The following EIF4G3 variants were observed in gnomAD, a reference collection of about 807,000 sequenced individuals.
EIF4G3 encodes the protein eukaryotic translation initiation factor 4 gamma 3, also known as eIF-4-gamma 3.
EIF4G3 carries 34 observed loss-of-function variants against 186.4 expected under a neutral mutation model. That is an observed-to-expected ratio of 0.18 (90% CI 0.14 to 0.24). The LOEUF is 0.24. Ranked by LOEUF, EIF4G3 falls within the 10% of genes least tolerant of loss-of-function variation. EIF4G3 has a pLI of 1.00. For missense variants in EIF4G3, 1,536 were observed against 1,948.5 expected (o/e 0.79, Z 3.99); for synonymous variants, 673 against 679.5 (o/e 0.99, Z 0.15).
intron 23 of EIF4G3, among the ~76,000 whole-genome samples, 170 bp downstream of exon 23, chr1:20,862,055 GGCC>G (rs2076484609): frequency 6.6e-6 from 1 of 152,064 alleles, no homozygotes; most frequent in Non-Finnish European, 1.5e-5. Flanking sequence ...ACTGGCAATA[GGCC>G]TTTTGTCCCT....
chr1:21,019,545 T>C (rs2090138512), intron 4 of EIF4G3, among the ~76,000 whole-genome samples: 1 of 152,222 alleles, frequency 6.6e-6, no homozygotes, highest in Non-Finnish European at 1.5e-5. Context: ...TAAAAATTTT[T>C]ATCTTTTATT....
At chr1:20,930,594 C>G (rs1433274587) in intron 14 of EIF4G3, among the ~76,000 whole-genome samples, 1 of 152,094 alleles carries the variant, frequency 6.6e-6, no homozygotes, top group Non-Finnish European at 1.5e-5. Context: ...GAGATGGGGT[C>G]TCACTATGTT....
In EIF4G3 at chr1:21,144,751, C is replaced by T. The variant is rs576011501; in HGVS notation, c.-272+31424G>A. On this transcript the variant is annotated intron_variant, in intron 2 of 36. Transcript: ENST00000602326. ...CTGAAAGACAAAGAATGAGTCCCATCTTTCAAAAAGCCCACGAAGGTGCAT... is the reference window on the plus strand; with the variant it reads ...CTGAAAGACAAAGAATGAGTCCCATTTTTCAAAAAGCCCACGAAGGTGCAT... Among the ~76,000 whole-genome samples the T allele has an allele frequency of 3.0e-5, 4 of 132,130 alleles. No homozygotes were observed. The South Asian group carries it at 6.9e-4, about 23-fold the overall frequency. 86.7% of individuals were successfully genotyped at this position (132,130 alleles called of 152,430 possible).
At position 20,895,481 on chromosome 1, in the gene EIF4G3, T is replaced by TCTG; in HGVS notation, c.2019_2020insCAG (p.Asp673_Thr674insGln). 6.2e-7 allele frequency: 1 copy of TCTG among 1,614,054 alleles called. No homozygotes were observed. Among genetic ancestry groups the TCTG allele is most frequent in the South Asian group, 1.1e-5 (1 of 91,076 alleles). On this transcript the variant is annotated inframe_insertion, in exon 17 of 37. Transcript: ENST00000602326. ...CTGTCATACTGCTTCTTACCTTCAG[T>TCTG]ATCAGTAGGCTTCCAGGATTCTAGA...
chr1:21,048,310 T>C (rs1164362904), intron 4 of EIF4G3, among the ~76,000 whole-genome samples: 1 of 152,216 alleles, frequency 6.6e-6, no homozygotes, highest in Non-Finnish European at 1.5e-5. Context: ...TATCAACTGC[T>C]TGTCTTTCAT....
At position 20,810,638 on chromosome 1, in the gene EIF4G3, C is replaced by T; in HGVS notation, c.4744+100G>A. ...ATATGAGTTTGTGTTATTAGTGATTCTTTTATTGTCCTTTGTTCGAACCCT... is the reference window on the plus strand; with the variant it reads ...ATATGAGTTTGTGTTATTAGTGATTTTTTTATTGTCCTTTGTTCGAACCCT... On this transcript the variant is annotated intron_variant, in intron 36 of 36. Coordinates refer to ENST00000602326, the MANE Select transcript of EIF4G3 (RefSeq NM_001391906.1). This position sits in a 1 kb window ranked among gnomAD's most constrained non-coding sequence, Gnocchi z 4.1. 7.3e-7 allele frequency: 1 copy of T among 1,361,116 alleles called. No homozygotes were observed. Among genetic ancestry groups the T allele is most frequent in the African/African-American group, 1.4e-5 (1 of 69,444 alleles). 84.3% of individuals were successfully genotyped at this position (1,361,116 alleles called of 1,614,324 possible).
chr1:20,994,124 G>T (rs995948505), intron 7 of EIF4G3, among the ~76,000 whole-genome samples: 9 of 152,090 alleles, frequency 5.9e-5, no homozygotes, highest in Middle Eastern at 3.2e-3. Context: ...AATTCTACTG[G>T]CATTTAAAGC....
intron 28 of EIF4G3, 119 bp from the exon 29 acceptor site, chr1:20,849,649 T>A (rs1397496974): frequency 1.8e-5 from 8 of 452,610 alleles, no homozygotes; most frequent in Non-Finnish European, 2.8e-5. Flanking sequence ...AGACATTTAA[T>A]AGATAAAAAC....
At chr1:20,875,618 AC>A (rs2080530492) in intron 20 of EIF4G3, among the ~76,000 whole-genome samples, 1 of 152,238 alleles carries the variant, frequency 6.6e-6, no homozygotes, top group African/African-American at 2.4e-5. Context: ...AAAAACATAC[AC>A]TAAAGAAATA....
chr1:20,953,827 C>G (rs1558414157), intron 12 of EIF4G3, among the ~76,000 whole-genome samples: 1 of 152,120 alleles, frequency 6.6e-6, no homozygotes, highest in Non-Finnish European at 1.5e-5. Flanking sequence ...AAACAAGAGA[C>G]AAACAGTATT....
At chr1:21,169,501 A>G (rs550825979) in intron 2 of EIF4G3, among the ~76,000 whole-genome samples, 40 of 152,340 alleles carry the variant, frequency 2.6e-4, no homozygotes, top group African/African-American at 9.6e-4. Context: ...TGTCTCCACT[A>G]ATAAGATTAT....
chr1:20,917,562 A>G (rs1430524077), intron 14 of EIF4G3, among the ~76,000 whole-genome samples: 1 of 152,208 alleles, frequency 6.6e-6, no homozygotes, highest in Non-Finnish European at 1.5e-5. Context: ...GATTTCTAAA[A>G]TGCAAACTAA....
intron 14 of EIF4G3, chr1:20,941,263 G>C: frequency 1.9e-6 from 3 of 1,549,566 alleles, no homozygotes; most frequent in Non-Finnish European, 2.6e-6. Flanking sequence ...ATATACCTTG[G>C]AGGCATTTTG....
chr1:21,035,905 C>T (rs2093159201), intron 4 of EIF4G3, among the ~76,000 whole-genome samples: 1 of 152,160 alleles, frequency 6.6e-6, no homozygotes, highest in Non-Finnish European at 1.5e-5. Flanking sequence ...GCATGCACCA[C>T]CTCCCCTGTA....
At position 20,810,615 on chromosome 1, in the gene EIF4G3, A is replaced by G. The variant is rs2059054758; in HGVS notation, c.4744+123T>C. On this transcript the variant is annotated intron_variant, in intron 36 of 36. Transcript: ENST00000602326. The surrounding 1 kb of genome is among the most constrained non-coding windows in gnomAD (Gnocchi z 4.1). ...ATTCAAATTTATTAAAGTTAGTTAT[A>G]TGAGTTTGTGTTATTAGTGATTCTT... 1 of 1,165,410 alleles carries G rather than the reference A, an allele frequency of 8.6e-7. No homozygotes were observed. Among genetic ancestry groups the G allele is most frequent in the Non-Finnish European group, 1.2e-6 (1 of 818,918 alleles). The allele number at this position is 1,165,410 out of a possible 1,614,324, so 72.2% of individuals were successfully genotyped here.
At chr1:21,162,756 AAT>A (rs1489044299) in intron 2 of EIF4G3, among the ~76,000 whole-genome samples, 1 of 152,154 alleles carries the variant, frequency 6.6e-6, no homozygotes, top group Middle Eastern at 3.2e-3. Context: ...TCCAAAAAAA[AAT>A]AAATAAATAA....
intron 31 of EIF4G3, among the ~76,000 whole-genome samples, chr1:20,828,261 A>G (rs1278998854): frequency 6.6e-6 from 1 of 151,978 alleles, no homozygotes; most frequent in African/African-American, 2.4e-5. Context: ...TGATTTCCTG[A>G]CCTTGTGATC....
At chr1:21,009,740 C>G (rs1030518103) in intron 4 of EIF4G3, among the ~76,000 whole-genome samples, 4 of 151,666 alleles carry the variant, frequency 2.6e-5, no homozygotes, top group Non-Finnish European at 4.4e-5. Flanking sequence ...CTGCAACCTC[C>G]ACCTCCCGGG....
chr1:21,105,425 T>C (rs1195271675), intron 2 of EIF4G3, among the ~76,000 whole-genome samples: 1 of 148,228 alleles, frequency 6.7e-6, no homozygotes, highest in African/African-American at 2.5e-5. Context: ...TGAAACTCCG[T>C]CTTAAAAAAA....
Sources: allele counts gnomAD v4.1 joint callset (sites outside exome capture counted in the v4.1 genomes callset), GRCh38; gene constraint gnomAD v4.1.1; non-coding constraint Gnocchi (gnomAD v3.1); transcripts MANE v1.5; gene names NCBI Gene and HGNC (gene_info 2026-07-23, HGNC 2026-07-21).